The following SERTAD2 variants were observed in gnomAD, a reference collection of about 807,000 sequenced individuals.
The protein encoded by SERTAD2 is SERTA domain containing 2.
SERTAD2 carries 2 observed loss-of-function variants against 15.4 expected under a neutral mutation model. The observed-to-expected ratio is 0.13, with a 90% CI of 0.05 to 0.41. The LOEUF (loss-of-function observed/expected upper bound fraction) is 0.41, where lower values mean the gene tolerates loss of function less well. SERTAD2 is among the 10% of genes least tolerant of loss of function. The pLI, the probability that SERTAD2 is intolerant of heterozygous loss-of-function variation, is 0.99. For missense variants in SERTAD2, 333 were observed against 409.7 expected (o/e 0.81, Z 1.62); for synonymous variants, 180 against 178.0 (o/e 1.01, Z -0.09).
At chr2:64,644,970 T>C (rs1674862866) in intron 1 of SERTAD2, 1 of 150,048 alleles carries the variant, frequency 6.7e-6, no homozygotes, top group Non-Finnish European at 1.5e-5. Flanking sequence ...ACAGGGTAAG[T>C]AAGGATGCCC....
Position 64,634,883 on chromosome 2 carries a change from T to C in SERTAD2, c.*1044A>G, listed in dbSNP as rs1674622424. ...AACAATTAAAAGCGCAAACTTGGCA[T>C]AAATACACTCTTAAGAAAGACAGTA... On this transcript the variant is annotated 3_prime_UTR_variant, in exon 2 of 2. Transcript: ENST00000313349. 1 of 152,644 alleles carries C rather than the reference T, an allele frequency of 6.6e-6. No individual in the cohort carries two copies. The highest frequency in any genetic ancestry group is 2.4e-5 in the African/African-American group (1 of 41,464). 9.5% of individuals were successfully genotyped at this position (152,644 alleles called of 1,614,324 possible).
At chr2:64,642,338 A>T (rs1166870400) in intron 1 of SERTAD2, among the ~76,000 whole-genome samples, 1 of 152,218 alleles carries the variant, frequency 6.6e-6, no homozygotes, top group Non-Finnish European at 1.5e-5. Context: ...TCCAAAGCCC[A>T]GAAAGGAACT....
In SERTAD2 at chr2:64,653,887, G is replaced by C. The variant is rs1481312546; in HGVS notation, c.-272C>G. 2 of 151,550 alleles carry C rather than the reference G, an allele frequency of 1.3e-5. No homozygotes were observed. Among genetic ancestry groups the C allele is most frequent in the Non-Finnish European group, 2.9e-5 (2 of 67,808 alleles). The allele number at this position is 151,550 out of a possible 1,614,324, so 9.4% of individuals were successfully genotyped here. On this transcript the variant is annotated 5_prime_UTR_variant, in exon 1 of 2. Coordinates refer to ENST00000313349, the MANE Select transcript of SERTAD2 (RefSeq NM_014755.3). ...GCCCTGACCGAGCGAGCGGTACGTCGTGCTCCAGCACTCGCCGTGCAGGAG... is the reference window on the plus strand; with the variant it reads ...GCCCTGACCGAGCGAGCGGTACGTCCTGCTCCAGCACTCGCCGTGCAGGAG...
intron 1 of SERTAD2, among the ~76,000 whole-genome samples, chr2:64,650,671 C>T (rs1461433245): frequency 2.0e-5 from 3 of 152,142 alleles, no homozygotes; most frequent in Admixed American, 2.0e-4. Flanking sequence ...ATGAAATAGC[C>T]ACACATTTCT....
rs931892838 is a variant in SERTAD2 at position 64,633,151 on chromosome 2, T to G, written c.*2776A>C. ...CTGTTGGGACATCACTTTGTAAGAA[T>G]AGGATGCAAAAGCAATTAGAACCCT... On this transcript the variant is annotated 3_prime_UTR_variant, in exon 2 of 2. Transcript: ENST00000313349. 1 of 152,250 alleles carries G rather than the reference T, an allele frequency of 6.6e-6. No homozygotes were observed. Among genetic ancestry groups the G allele is most frequent in the African/African-American group, 2.4e-5 (1 of 41,462 alleles). The allele number at this position is 152,250 out of a possible 1,614,324, so 9.4% of individuals were successfully genotyped here.
Position 64,636,660 on chromosome 2 carries a change from C to A in SERTAD2, c.212G>T (p.Arg71Leu). 1 of 1,613,960 alleles carries A rather than the reference C, an allele frequency of 6.2e-7. No individual in the cohort carries two copies. ...TTCCTGTTTGAGTTCCTCCTGGATC[C>A]GCCTCAACATGTTGTTAATTAAAAC... ...KTVLINNMLR[R>L]IQEELKQEGS... Residue 71 changes from arginine to leucine, a missense_variant, in exon 2 of 2, where the codon CGG (arginine) becomes CTG (leucine). Physicochemically the swap from Arg to Leu is moderately radical, Grantham distance 102. Around this residue, in one of 2 missense-constraint regions of SERTAD2, gnomAD observed 332 missense variants for 392.9 expected, o/e 0.84. Transcript: ENST00000313349.
At chr2:64,636,993 T>TACAAGTAC (rs1573082487) in intron 1 of SERTAD2, 118 bp from the exon 2 acceptor site, 1 of 675,618 alleles carries the variant, frequency 1.5e-6, no homozygotes, top group East Asian at 2.6e-5. Flanking sequence ...CAGGGTTATT[T>TACAAGTAC]ACAAGTACAC....
chr2:64,647,910 C>G (rs769004419), intron 1 of SERTAD2, among the ~76,000 whole-genome samples: 1 of 151,760 alleles, frequency 6.6e-6, no homozygotes, highest in Admixed American at 6.5e-5. Flanking sequence ...AAATTAAAAA[C>G]TAGTCATGCC....
Position 64,632,890 on chromosome 2 carries a change from A to C in SERTAD2, c.*3037T>G, listed in dbSNP as rs545667183. The C allele has an allele frequency of 7.2e-6, 1 of 138,648 alleles. No homozygotes were observed. Among genetic ancestry groups the C allele is most frequent in the Non-Finnish European group, 1.7e-5 (1 of 60,180 alleles). 8.6% of individuals were successfully genotyped at this position (138,648 alleles called of 1,614,324 possible). Reference sequence around the variant, plus strand: ...ATAAATAACTTATGGGGGGAAAAAAACTCACTTCAAATTCAAAGCTCTTAC... The same window carrying C: ...ATAAATAACTTATGGGGGGAAAAAACCTCACTTCAAATTCAAAGCTCTTAC... On this transcript the variant is annotated 3_prime_UTR_variant, in exon 2 of 2. Coordinates refer to ENST00000313349, the MANE Select transcript of SERTAD2 (RefSeq NM_014755.3).
Position 64,636,176 on chromosome 2 carries a change from CGTT to C in SERTAD2, c.693_695del (p.Ile231_Thr232delinsMet), listed in dbSNP as rs758248608. On this transcript the variant is annotated inframe_deletion, in exon 2 of 2. Transcript: ENST00000313349. ...AGTCTGTCAGGAAACCCGTGGACGT[CGTT>C]ATTTCAAAATTCCCAGGCAGAGAGT... 3 of 1,614,128 alleles carry C rather than the reference CGTT, an allele frequency of 1.9e-6. No homozygotes were observed. Among genetic ancestry groups the C allele is most frequent in the Non-Finnish European group, 2.5e-6 (3 of 1,180,028 alleles).
At position 64,635,766 on chromosome 2, in the gene SERTAD2, C is replaced by T; in HGVS notation, c.*161G>A. On this transcript the variant is annotated 3_prime_UTR_variant, in exon 2 of 2. Coordinates refer to ENST00000313349, the MANE Select transcript of SERTAD2 (RefSeq NM_014755.3). ...AAAAGTGGTCATACTTGGATGAAGG[C>T]ACTCCAACTCTGCTCAAAGCAAAAA... The T allele has an allele frequency of 1.6e-6, 1 of 606,996 alleles. No homozygotes were observed. Among genetic ancestry groups the T allele is most frequent in the East Asian group, 2.8e-5 (1 of 36,138 alleles). 37.6% of individuals were successfully genotyped at this position (606,996 alleles called of 1,614,324 possible).
intron 1 of SERTAD2, among the ~76,000 whole-genome samples, chr2:64,640,646 AG>A (rs1298305159): frequency 4.1e-5 from 6 of 147,382 alleles, no homozygotes; most frequent in African/African-American, 1.5e-4. Context: ...GTTCCTGCGG[AG>A]GGGGGGCCTG....
intron 1 of SERTAD2, among the ~76,000 whole-genome samples, chr2:64,641,918 A>C (rs909843953): frequency 6.6e-6 from 1 of 152,126 alleles, no homozygotes; most frequent in Admixed American, 6.5e-5. Context: ...CCCACCTCCC[A>C]TATTTCTCTT....
intron 1 of SERTAD2, among the ~76,000 whole-genome samples, chr2:64,641,036 T>C (rs7591336): frequency 6.6e-6 from 1 of 152,192 alleles, no homozygotes; most frequent in African/African-American, 2.4e-5. Context: ...TTAACTGCTA[T>C]TAACTGCAGC....
In SERTAD2 at chr2:64,631,878, T is replaced by C. The variant is rs535665054; in HGVS notation, c.*4049A>G. On this transcript the variant is annotated 3_prime_UTR_variant, in exon 2 of 2. Coordinates refer to ENST00000313349, the MANE Select transcript of SERTAD2 (RefSeq NM_014755.3). ...CACCAAACATGTCACTATGTACATC[T>C]TTTTTCAAAATCTCGGTCATGCGCA... 6.5e-6 allele frequency: 1 copy of C among 152,744 alleles called. No homozygotes were observed. Among genetic ancestry groups the C allele is most frequent in the African/African-American group, 2.4e-5 (1 of 41,562 alleles). The allele number at this position is 152,744 out of a possible 1,614,324, so 9.5% of individuals were successfully genotyped here. A position where few individuals can be genotyped will look rare whatever the true frequency, so the allele number is the denominator to read the frequency against.
Position 64,634,234 on chromosome 2 carries a change from T to C in SERTAD2, c.*1693A>G, listed in dbSNP as rs1334015414. On this transcript the variant is annotated 3_prime_UTR_variant, in exon 2 of 2. Coordinates refer to ENST00000313349, the MANE Select transcript of SERTAD2 (RefSeq NM_014755.3). Reference sequence around the variant, plus strand: ...CCTGCACTCAACAGCTAAAGTACCATTGGAAGAAAAGAAAAAACTGAAACA... The same window carrying C: ...CCTGCACTCAACAGCTAAAGTACCACTGGAAGAAAAGAAAAAACTGAAACA... 6.6e-6 allele frequency: 1 copy of C among 152,070 alleles called. No individual in the cohort carries two copies. The highest frequency in any genetic ancestry group is 1.5e-5 in the Non-Finnish European group (1 of 68,020). 9.4% of individuals were successfully genotyped at this position (152,070 alleles called of 1,614,324 possible).
chr2:64,646,254 C>T (rs1414989917), intron 1 of SERTAD2, among the ~76,000 whole-genome samples: 1 of 152,162 alleles, frequency 6.6e-6, no homozygotes, highest in Non-Finnish European at 1.5e-5. Flanking sequence ...TGTACTCTTC[C>T]TTTTACTTTT....
intron 1 of SERTAD2, among the ~76,000 whole-genome samples, chr2:64,640,383 G>C (rs1320470307): frequency 1.3e-5 from 2 of 152,230 alleles, no homozygotes; most frequent in Non-Finnish European, 2.9e-5. Context: ...CGGAGGGCAA[G>C]AAGCCAGGCG....
At position 64,637,831 on chromosome 2, in the gene SERTAD2, C is replaced by T. The variant is rs146114878; in HGVS notation, c.-4-956G>A. Among the ~76,000 whole-genome samples the T allele has an allele frequency of 5.9e-5, 9 of 152,362 alleles. No homozygotes were observed. In the East Asian group the frequency reaches 1.7e-3, roughly 29 times the overall value. On this transcript the variant is annotated intron_variant, in intron 1 of 1. Transcript: ENST00000313349. ...TCTTGCCTGCTGCTCACAGGCCAGG[C>T]TGTGTCCTCTCTTGCTCTGGCCTTA...
Sources: allele counts gnomAD v4.1 joint callset (sites outside exome capture counted in the v4.1 genomes callset), GRCh38; gene constraint gnomAD v4.1.1; regional missense constraint gnomAD v4.1.1; transcripts MANE v1.5; gene names NCBI Gene and HGNC (gene_info 2026-07-23, HGNC 2026-07-21).